The following RMDN1 variants were observed in gnomAD, a reference collection of about 807,000 sequenced individuals.
The protein encoded by RMDN1 is regulator of microtubule dynamics 1, also known as regulator of microtubule dynamics protein 1.
In RMDN1, 48 loss-of-function variants were observed where a neutral mutation model predicts 48.9. The ratio of observed to expected loss-of-function variants is 0.98; its 90% CI spans 0.78 to 1.25. The LOEUF (loss-of-function observed/expected upper bound fraction) is 1.25, where lower values mean the gene tolerates loss of function less well. RMDN1 is among the 50% of genes most tolerant of loss of function. RMDN1 has a pLI of 0.00. For missense variants in RMDN1, 418 were observed against 373.4 expected (o/e 1.12, Z -0.98); for synonymous variants, 148 against 132.6 (o/e 1.12, Z -0.80).
At chr8:86,471,930 A>AAATC (rs1282079940), downstream of RMDN1, among the ~76,000 whole-genome samples, 1 of 152,340 alleles carries the variant, frequency 6.6e-6, no homozygotes, top group Admixed American at 6.5e-5. Flanking sequence ...GATTAGCAAC[A>AAATC]AATCAAATGC....
intron 4 of RMDN1, among the ~76,000 whole-genome samples, chr8:86,485,724 G>A (rs926469307): frequency 1.3e-5 from 2 of 152,148 alleles, no homozygotes. Context: ...AAACTGAGAT[G>A]ACCTGAGTTT....
chr8:86,474,299 G>T lies in RMDN1; in HGVS notation c.*9C>A. The T allele has an allele frequency of 6.2e-7, 1 of 1,613,372 alleles. No homozygotes were observed. Among genetic ancestry groups the T allele is most frequent in the Middle Eastern group, 1.7e-4 (1 of 6,048 alleles). On this transcript the variant is annotated 3_prime_UTR_variant, in exon 10 of 10. Coordinates refer to ENST00000406452, the MANE Select transcript of RMDN1 (RefSeq NM_016033.3). ...ATTAGCTATTTCATAAATCTTCTCT[G>T]AAAAGTTCTCAATTCTTCTCACTGA...
chr8:86,500,516 CA>C (rs1030146695), intron 2 of RMDN1, among the ~76,000 whole-genome samples: 2 of 135,862 alleles, frequency 1.5e-5, no homozygotes, highest in Non-Finnish European at 3.2e-5. Flanking sequence ...CTTAAAATTT[CA>C]AAAAAAAATA....
rs374632685 is a variant in RMDN1 at position 86,508,641 on chromosome 8, A to C, written c.-21T>G. ...GCCATGACCTGCAACTTGCGGGCTG[A>C]CCCTGCACTACTTCAGGCAGCTACG... On this transcript the variant is annotated 5_prime_UTR_variant, in exon 1 of 10. Coordinates refer to ENST00000406452, the MANE Select transcript of RMDN1 (RefSeq NM_016033.3). 4 of 1,586,154 alleles carry C rather than the reference A, an allele frequency of 2.5e-6. No individual in the cohort carries two copies. The highest frequency in any genetic ancestry group is 3.4e-6 in the Non-Finnish European group (4 of 1,165,922).
At chr8:86,493,489 T>C (rs986990862) in intron 2 of RMDN1, among the ~76,000 whole-genome samples, 14 of 152,220 alleles carry the variant, frequency 9.2e-5, no homozygotes, top group African/African-American at 3.1e-4. Flanking sequence ...TGGAGTATTA[T>C]TTAGCTTTAA....
chr8:86,488,728 T>C (rs1815935756), intron 2 of RMDN1, 89 bp from the exon 3 acceptor site: 17 of 761,914 alleles, frequency 2.2e-5, no homozygotes, highest in Non-Finnish European at 3.5e-5. Flanking sequence ...AACACTTTTA[T>C]ATATAAGCAA....
At chr8:86,491,204 G>A (rs993521577) in intron 2 of RMDN1, among the ~76,000 whole-genome samples, 6 of 151,726 alleles carry the variant, frequency 4.0e-5, no homozygotes, top group Admixed American at 6.6e-5. Context: ...GCACTATGTC[G>A]GCTCACTGCA....
upstream of RMDN1, chr8:86,508,916 A>G (rs192332466): frequency 1.5e-4 from 93 of 600,100 alleles, no homozygotes; most frequent in Middle Eastern, 3.5e-3. Context: ...CCATCTCTCT[A>G]GGGGGTCTTT....
At chr8:86,489,744 C>T (rs1357931967) in intron 2 of RMDN1, among the ~76,000 whole-genome samples, 2 of 150,540 alleles carry the variant, frequency 1.3e-5, no homozygotes, top group African/African-American at 4.9e-5. Flanking sequence ...GCAGAAGAAT[C>T]GCTTGAACCC....
upstream of RMDN1, among the ~76,000 whole-genome samples, chr8:86,511,906 A>T (rs569785224): frequency 1.2e-4 from 18 of 152,244 alleles, no homozygotes; most frequent in African/African-American, 4.3e-4. Flanking sequence ...TAGAAATATG[A>T]GGATCAAAAT....
In RMDN1 at chr8:86,473,343, T is replaced by C. The variant is rs568855192; in HGVS notation, c.*965A>G. ...GCACTCCAGCCTCAAGTGAGTAGCA[T>C]AGTCCTGCCTATTTAAAAACATCTT... On this transcript the variant is annotated 3_prime_UTR_variant, in exon 10 of 10. Coordinates refer to ENST00000406452, the MANE Select transcript of RMDN1 (RefSeq NM_016033.3). 4 of 985,472 alleles carry C rather than the reference T, an allele frequency of 4.1e-6. No individual in the cohort carries two copies. Among genetic ancestry groups the C allele is most frequent in the East Asian group, 1.1e-4 (1 of 8,816 alleles). The allele number at this position is 985,472 out of a possible 1,614,324, so 61.0% of individuals were successfully genotyped here.
At chr8:86,482,579 TG>T (rs1489389468) in intron 5 of RMDN1, 1 of 748,224 alleles carries the variant, frequency 1.3e-6, no homozygotes, top group East Asian at 2.5e-5. Context: ...AAGAAGTTAA[TG>T]AGTGAGTTTT....
In RMDN1 at chr8:86,473,558, G is replaced by C. The variant is rs886241843; in HGVS notation, c.*750C>G. On this transcript the variant is annotated 3_prime_UTR_variant, in exon 10 of 10. Coordinates refer to ENST00000406452, the MANE Select transcript of RMDN1 (RefSeq NM_016033.3). Reference sequence around the variant, plus strand: ...AGGCGGGCAGATCACTTGAGGCCAGGAGTTTGAGACCAGCCTAGCCAACAT... The same window carrying C: ...AGGCGGGCAGATCACTTGAGGCCAGCAGTTTGAGACCAGCCTAGCCAACAT... 1.5e-6 allele frequency: 1 copy of C among 660,458 alleles called. No individual in the cohort carries two copies. Among genetic ancestry groups the C allele is most frequent in the Non-Finnish European group, 1.9e-6 (1 of 533,808 alleles). The allele number at this position is 660,458 out of a possible 1,614,324, so 40.9% of individuals were successfully genotyped here. A position where few individuals can be genotyped will look rare whatever the true frequency, so the allele number is the denominator to read the frequency against.
chr8:86,498,613 T>C (rs1817740855), intron 2 of RMDN1, among the ~76,000 whole-genome samples: 2 of 151,422 alleles, frequency 1.3e-5, no homozygotes, highest in South Asian at 4.2e-4. Context: ...ACCCCGACTC[T>C]ACAAAAAAAT....
At chr8:86,477,745 T>C (rs905283932) in intron 7 of RMDN1, among the ~76,000 whole-genome samples, 1 of 152,220 alleles carries the variant, frequency 6.6e-6, no homozygotes. Context: ...AATTCCTACA[T>C]ACAATGTTAA....
chr8:86,468,837 CTG>C (rs1812309611), downstream of RMDN1: 1 of 398,596 alleles, frequency 2.5e-6, no homozygotes, highest in South Asian at 1.9e-5. Context: ...GTCAGAAAAA[CTG>C]TAGAAATATG....
chr8:86,509,056 T>C (rs970020502), upstream of RMDN1, among the ~76,000 whole-genome samples: 1 of 152,174 alleles, frequency 6.6e-6, no homozygotes, highest in African/African-American at 2.4e-5. Flanking sequence ...AGATTGAATC[T>C]TGGTACTAGT....
At chr8:86,500,884 C>T (rs1029782627) in intron 2 of RMDN1, among the ~76,000 whole-genome samples, 5 of 152,156 alleles carry the variant, frequency 3.3e-5, no homozygotes, top group African/African-American at 1.2e-4. Context: ...ACCCAAATCA[C>T]ATCCATTGCT....
At chr8:86,477,217 G>T in intron 8 of RMDN1, 77 bp downstream of exon 8, 1 of 1,034,610 alleles carries the variant, frequency 9.7e-7, no homozygotes, top group Non-Finnish European at 1.4e-6. Context: ...AACTGCTTTA[G>T]ACATTGCTAT....
Sources: gnomAD v4.1 joint callset for allele counts (sites outside exome capture counted in the v4.1 genomes callset) on GRCh38, gnomAD v4.1.1 for gene constraint, MANE v1.5 for transcripts, NCBI Gene and HGNC (gene_info 2026-07-23, HGNC 2026-07-21) for gene names.